SNAP47: variants seen among roughly 807,000 people sequenced by gnomAD.
SNAP47 encodes the protein synaptosomal-associated protein 47.
SNAP47 carries 20 observed loss-of-function variants against 31.4 expected under a neutral mutation model. The ratio of observed to expected loss-of-function variants is 0.64; its 90% CI spans 0.45 to 0.93. The LOEUF is 0.93. Ranked by LOEUF, SNAP47 falls within the 40% of genes least tolerant of loss-of-function variation. The pLI is 0.00. For missense variants in SNAP47, 492 were observed against 528.5 expected (o/e 0.93, Z 0.68); for synonymous variants, 194 against 213.4 (o/e 0.91, Z 0.79).
chr1:227,779,334 A>C (rs1237180744), intron 4 of SNAP47, among the ~76,000 whole-genome samples: 2 of 152,164 alleles, frequency 1.3e-5, no homozygotes, highest in Non-Finnish European at 2.9e-5. Context: ...GGAGCACTGA[A>C]TCACCTGCCC....
chr1:227,774,611 G>A (rs1025050788), intron 4 of SNAP47, among the ~76,000 whole-genome samples: 2 of 151,534 alleles, frequency 1.3e-5, no homozygotes, highest in East Asian at 4.0e-4. Context: ...AGAGCATGAG[G>A]TGCCTGGCAA....
At chr1:227,730,968 G>A (rs2102854485), upstream of SNAP47, 1 of 152,446 alleles carries the variant, frequency 6.6e-6, no homozygotes, top group African/African-American at 2.4e-5. Context: ...GGGCTAAATG[G>A]GTGAGCCACG....
intron 2 of SNAP47, among the ~76,000 whole-genome samples, chr1:227,756,836 G>T (rs1237011892): frequency 2.6e-5 from 4 of 152,254 alleles, no homozygotes; most frequent in Non-Finnish European, 5.9e-5. Flanking sequence ...TCCTGGTCCT[G>T]CCATGCCCCA....
At position 227,762,977 on chromosome 1, in the gene SNAP47, G is replaced by C. The variant is rs183612082; in HGVS notation, c.988+3492G>C. Among the ~76,000 whole-genome samples the C allele has an allele frequency of 1.3e-5, 2 of 152,104 alleles. No individual in the cohort carries two copies. Among genetic ancestry groups the C allele is most frequent in the African/African-American group, 4.8e-5 (2 of 41,406 alleles). On this transcript the variant is annotated intron_variant, in intron 3 of 4. Coordinates refer to ENST00000617596, the MANE Select transcript of SNAP47 (RefSeq NM_053052.4). This position sits in a 1 kb window ranked among gnomAD's most constrained non-coding sequence, Gnocchi z 4.2. The stretch of plus-strand genomic sequence containing the variant: ...TTTTTATTTATTTTTTTCTTTTAGA[G>C]ACAGGGCCTTGCCCTGTCATCCAGG...
At chr1:227,749,740 GTGTGTGTGTC>G (rs1480839068) in intron 2 of SNAP47, among the ~76,000 whole-genome samples, 30 of 152,022 alleles carry the variant, frequency 2.0e-4, no homozygotes, top group South Asian at 6.2e-4. Context: ...TTGAGAGCCT[GTGTGTGTGTC>G]TGTGTGTGTC....
Position 227,759,453 on chromosome 1 carries a change from C to G in SNAP47, c.956C>G (p.Pro319Arg). Residue 319 changes from proline to arginine, a missense_variant, in exon 3 of 5, where the codon CCC (proline) becomes CGC (arginine). Pro to Arg is a moderately radical substitution (Grantham distance 103, BLOSUM62 -2). Transcript: ENST00000617596. ...LVLRSARTSS[P>R]AEKSCSVWHA... ...CTCAGAAGCGCAAGAACCTCTTCCC[C>G]CGCAGAGAAGAGCTGCTCAGTCTGG... 1 of 1,614,162 alleles carries G rather than the reference C, an allele frequency of 6.2e-7. No individual in the cohort carries two copies. The highest frequency in any genetic ancestry group is 8.5e-7 in the Non-Finnish European group (1 of 1,180,040).
chr1:227,756,341 C>T (rs1662691545), intron 2 of SNAP47, among the ~76,000 whole-genome samples: 1 of 152,194 alleles, frequency 6.6e-6, no homozygotes, highest in Admixed American at 6.5e-5. Flanking sequence ...ACATTGGACC[C>T]CAGCCCAGAG....
chr1:227,750,819 G>T (rs75396824), intron 2 of SNAP47, among the ~76,000 whole-genome samples: 2,197 of 152,314 alleles, frequency 0.014, 51 homozygotes, highest in African/African-American at 0.05. Flanking sequence ...AAATGCCATG[G>T]AGAAGGAGCA....
chr1:227,736,694 T>G (rs946332231), intron 1 of SNAP47, among the ~76,000 whole-genome samples: 10 of 146,046 alleles, frequency 6.8e-5, no homozygotes, highest in Non-Finnish European at 9.1e-5. Context: ...TTGTTTTTTT[T>G]TTTTTTTTTT....
chr1:227,741,717 C>T lies in SNAP47; in HGVS notation c.-45-5975C>T, dbSNP rs117696132. Among the ~76,000 whole-genome samples, 102 of 152,098 alleles carry T rather than the reference C, an allele frequency of 6.7e-4. 1 individual carries two copies. The East Asian group carries it at 0.017, about 25-fold the overall frequency. ...GGCCTCTGTGTGGGGCCAGGCGTGT[C>T]GTCGGGTAGGGGAATGGCTGGCCGG... On this transcript the variant is annotated intron_variant, in intron 1 of 4. Coordinates refer to ENST00000617596, the MANE Select transcript of SNAP47 (RefSeq NM_053052.4). The surrounding 1 kb of genome is among the most constrained non-coding windows in gnomAD (Gnocchi z 4.2).
chr1:227,765,263 G>A (rs1289541497), intron 3 of SNAP47, among the ~76,000 whole-genome samples: 1 of 152,226 alleles, frequency 6.6e-6, no homozygotes, highest in Non-Finnish European at 1.5e-5. Context: ...TGGGGCTCTT[G>A]GAGGAAGGAG....
intron 4 of SNAP47, 32 bp downstream of exon 4, chr1:227,767,115 G>T (rs367590602): frequency 6.2e-7 from 1 of 1,612,750 alleles, no homozygotes; most frequent in Non-Finnish European, 8.5e-7. Context: ...GCCAGCCAGC[G>T]CTGTGTCCCA....
chr1:227,743,619 G>T (rs1483306500), intron 1 of SNAP47, among the ~76,000 whole-genome samples: 1 of 152,208 alleles, frequency 6.6e-6, no homozygotes, highest in Admixed American at 6.5e-5. Flanking sequence ...TCCCTTCACT[G>T]CTCAGTGGCA....
intron 2 of SNAP47, among the ~76,000 whole-genome samples, chr1:227,751,299 C>T (rs951886248): frequency 1.1e-4 from 17 of 152,350 alleles, no homozygotes; most frequent in African/African-American, 3.1e-4. Context: ...CACCCTGCGC[C>T]AGCCCCACCA....
chr1:227,771,767 G>A lies in SNAP47; in HGVS notation c.1113+4684G>A, dbSNP rs547894225. Among the ~76,000 whole-genome samples the A allele has an allele frequency of 1.4e-3, 208 of 151,534 alleles. 1 individual carries two copies. The highest frequency in any genetic ancestry group is 2.1e-3 in the Admixed American group (32 of 15,196). On this transcript the variant is annotated intron_variant, in intron 4 of 4. Coordinates refer to ENST00000617596, the MANE Select transcript of SNAP47 (RefSeq NM_053052.4). ...TGACTGCAGAGGACCCAGGACCCTG[G>A]GCTGAGCAGGGCCCATGGCTTCAGA...
chr1:227,763,363 G>T lies in SNAP47; in HGVS notation c.989-3596G>T, dbSNP rs935660311. Among the ~76,000 whole-genome samples, 15 of 152,212 alleles carry T rather than the reference G, an allele frequency of 9.9e-5. No individual in the cohort carries two copies. The highest frequency in any genetic ancestry group is 3.4e-4 in the African/African-American group (14 of 41,448). On this transcript the variant is annotated intron_variant, in intron 3 of 4. Transcript: ENST00000617596. This position sits in a 1 kb window ranked among gnomAD's most constrained non-coding sequence, Gnocchi z 4.2. ...CTTCCAGCTCCCTGATGACAGCCTT[G>T]CCTGTACCTCTGCTTCCCCGGGCCG... is the stretch of plus-strand genomic sequence containing the variant.
At chr1:227,758,484 T>C (rs1662833378) in intron 2 of SNAP47, among the ~76,000 whole-genome samples, 1 of 150,500 alleles carries the variant, frequency 6.6e-6, no homozygotes, top group Admixed American at 6.7e-5. Flanking sequence ...CGGACGAGAG[T>C]GGGTGTTGAG....
rs1034501830 is a variant in SNAP47, at chr1:227,762,747, C to A, written c.988+3262C>A. Among the ~76,000 whole-genome samples the A allele has an allele frequency of 6.6e-6, 1 of 152,212 alleles. No homozygotes were observed. On this transcript the variant is annotated intron_variant, in intron 3 of 4. Coordinates refer to ENST00000617596, the MANE Select transcript of SNAP47 (RefSeq NM_053052.4). The surrounding 1 kb of genome is among the most constrained non-coding windows in gnomAD (Gnocchi z 4.2). ...ACTCGTCCTTGCGTTGAGGAGCACC[C>A]AGGACCGCACAATCACCCTCCTCAC...
In SNAP47 at chr1:227,762,354, T is replaced by G. The variant is rs1290799735; in HGVS notation, c.988+2869T>G. On this transcript the variant is annotated intron_variant, in intron 3 of 4. Coordinates refer to ENST00000617596, the MANE Select transcript of SNAP47 (RefSeq NM_053052.4). The surrounding 1 kb of genome is among the most constrained non-coding windows in gnomAD (Gnocchi z 4.2). Reference sequence around the variant, plus strand: ...GCGTGTGGTGCCCTGCCTGGTGCTATGTTAGCAAGAAGGCGGCGCCCCGTT... The same window carrying G: ...GCGTGTGGTGCCCTGCCTGGTGCTAGGTTAGCAAGAAGGCGGCGCCCCGTT... Among the ~76,000 whole-genome samples the G allele has an allele frequency of 1.3e-5, 2 of 152,206 alleles. No individual in the cohort carries two copies. Among genetic ancestry groups the G allele is most frequent in the Non-Finnish European group, 2.9e-5 (2 of 68,018 alleles).
Sources: gnomAD v4.1 joint callset for allele counts (sites outside exome capture counted in the v4.1 genomes callset) on GRCh38, gnomAD v4.1.1 for gene constraint, Gnocchi (gnomAD v3.1) non-coding constraint, MANE v1.5 for transcripts, NCBI Gene and HGNC (gene_info 2026-07-23, HGNC 2026-07-21) for gene names.